YAP1: variants seen among roughly 807,000 people sequenced by gnomAD.
The protein encoded by YAP1 is transcriptional coactivator YAP1.
YAP1 carries 5 observed loss-of-function variants against 56.9 expected under a neutral mutation model. The observed-to-expected ratio is 0.09, with a 90% CI of 0.05 to 0.18. YAP1 has a LOEUF of 0.18. YAP1 is among the 10% of genes least tolerant of loss of function. The probability of loss-of-function intolerance (pLI) is 1.00; values close to 1 mark genes in which losing one functional copy is unlikely to be tolerated. For missense variants in YAP1, 539 were observed against 651.8 expected, an observed-to-expected ratio of 0.83 and a Z score of 1.88; for synonymous variants, 265 against 248.1, an observed-to-expected ratio of 1.07 and a Z score of -0.64.
intron 2 of YAP1, among the ~76,000 whole-genome samples, chr11:102,122,431 A>C (rs1943716178): frequency 6.6e-6 from 1 of 152,120 alleles, no homozygotes; most frequent in African/African-American, 2.4e-5. Flanking sequence ...TCTCAAAAAA[A>C]AAAAAGAAGG....
chr11:102,186,190 T>G lies in YAP1; in HGVS notation c.802+59T>G. The G allele has an allele frequency of 3.9e-6, 6 of 1,556,860 alleles. No homozygotes were observed. In the East Asian group the frequency reaches 1.4e-4, roughly 36 times the overall value. On this transcript the variant is annotated intron_variant, in intron 4 of 8. Coordinates refer to ENST00000282441, the MANE Select transcript of YAP1 (RefSeq NM_001130145.3). Reference sequence around the variant, plus strand: ...TTTGGTTGCTAATTTTTTTTGTAAATATACTTCGGAAAGCACATTTAAATA... The same window carrying G: ...TTTGGTTGCTAATTTTTTTTGTAAAGATACTTCGGAAAGCACATTTAAATA...
chr11:102,126,432 T>A (rs900503419), intron 2 of YAP1, among the ~76,000 whole-genome samples: 1 of 152,166 alleles, frequency 6.6e-6, no homozygotes, highest in Non-Finnish European at 1.5e-5. Flanking sequence ...TCCCGTGCTA[T>A]TCTCGTGATA....
intron 6 of YAP1, among the ~76,000 whole-genome samples, chr11:102,218,992 TAAA>T (rs1949790804): frequency 6.6e-6 from 1 of 152,184 alleles, no homozygotes; most frequent in Non-Finnish European, 1.5e-5. Context: ...AAGGCTAAAA[TAAA>T]AAGTTGTAAA....
intron 2 of YAP1, among the ~76,000 whole-genome samples, chr11:102,121,726 C>T (rs1202792218): frequency 6.6e-6 from 1 of 152,088 alleles, no homozygotes; most frequent in Non-Finnish European, 1.5e-5. Context: ...GATCATTTCC[C>T]CTGAGGATAA....
intron 2 of YAP1, among the ~76,000 whole-genome samples, chr11:102,131,775 A>G (rs1486553282): frequency 1.3e-5 from 2 of 152,206 alleles, no homozygotes; most frequent in South Asian, 2.1e-4. Flanking sequence ...TTTAACAGGA[A>G]CTATTAAAAA....
At chr11:102,157,658 C>T (rs1287921491) in intron 2 of YAP1, among the ~76,000 whole-genome samples, 1 of 152,106 alleles carries the variant, frequency 6.6e-6, no homozygotes, top group Non-Finnish European at 1.5e-5. Flanking sequence ...AGATACTAGG[C>T]TTTGTGAGGT....
At chr11:102,151,108 G>A (rs1373774661) in intron 2 of YAP1, among the ~76,000 whole-genome samples, 6 of 151,996 alleles carry the variant, frequency 3.9e-5, no homozygotes, top group African/African-American at 1.2e-4. Context: ...GATTACAGGC[G>A]TCAGCCACCA....
chr11:102,182,214 C>T (rs1270069474), intron 3 of YAP1, among the ~76,000 whole-genome samples: 1 of 152,206 alleles, frequency 6.6e-6, no homozygotes, highest in African/African-American at 2.4e-5. Context: ...AGGGGTAAGG[C>T]TCAGCAACAT....
chr11:102,162,593 C>G lies in YAP1; in HGVS notation c.688+22C>G, dbSNP rs1946355141. 5 of 1,603,894 alleles carry G rather than the reference C, an allele frequency of 3.1e-6. No homozygotes were observed. In the African/African-American group the frequency reaches 5.3e-5, roughly 17 times the overall value. On this transcript the variant is annotated intron_variant, in intron 3 of 8. Coordinates refer to ENST00000282441, the MANE Select transcript of YAP1 (RefSeq NM_001130145.3). ...TCAGGTGAGTGAGACACTGTAATTA[C>G]AGCACATGGAGTAATGCTTACGCAT...
chr11:102,198,479 G>A (rs970431977), intron 4 of YAP1, among the ~76,000 whole-genome samples: 2 of 152,024 alleles, frequency 1.3e-5, no homozygotes, highest in Admixed American at 6.6e-5. Context: ...AAAATATAAT[G>A]GGGAAAGCTC....
At chr11:102,180,748 CATAGAT>C (rs1947559822) in intron 3 of YAP1, among the ~76,000 whole-genome samples, 1 of 148,146 alleles carries the variant, frequency 6.8e-6, no homozygotes, top group African/African-American at 2.5e-5. Flanking sequence ...AATGCTATGA[CATAGAT>C]ATAAAGAAAT....
intron 4 of YAP1, among the ~76,000 whole-genome samples, chr11:102,189,298 A>G (rs973048581): frequency 6.6e-6 from 1 of 152,148 alleles, no homozygotes; most frequent in African/African-American, 2.4e-5. Context: ...TTTCCAGTAA[A>G]AGGCCTAATG....
Position 102,187,358 on chromosome 11 carries a change from T to G in YAP1, c.802+1227T>G, listed in dbSNP as rs1161993591. ...TACTGTCCTTTTAAGCTTCAAGACC[T>G]GTTTGGGTGTTAAAAAAAGTAATGA... On this transcript the variant is annotated intron_variant, in intron 4 of 8. Transcript: ENST00000282441. Among the ~76,000 whole-genome samples the G allele has an allele frequency of 1.5e-4, 5 of 33,712 alleles. No homozygotes were observed. In the East Asian group the frequency reaches 9.3e-3, roughly 63 times the overall value. 22.1% of individuals were successfully genotyped at this position (33,712 alleles called of 152,430 possible). A position where few individuals can be genotyped will look rare whatever the true frequency, so the allele number is the denominator to read the frequency against.
At chr11:102,186,814 A>ATGTGTGTGTGTGTGCG (rs1947983267) in intron 4 of YAP1, 2 of 138,418 alleles carry the variant, frequency 1.4e-5, no homozygotes, top group African/African-American at 5.3e-5. Context: ...TTTTTAAAAA[A>ATGTGTGTGTGTGTGCG]TGTGTGTGTG....
intron 6 of YAP1, among the ~76,000 whole-genome samples, chr11:102,222,500 G>A (rs1949982107): frequency 6.6e-6 from 1 of 152,158 alleles, no homozygotes; most frequent in Non-Finnish European, 1.5e-5. Flanking sequence ...CTGAAACCTG[G>A]GAGGTTTGGA....
At chr11:102,162,940 G>A (rs1018095689) in intron 3 of YAP1, among the ~76,000 whole-genome samples, 1 of 151,342 alleles carries the variant, frequency 6.6e-6, no homozygotes, top group South Asian at 2.1e-4. Flanking sequence ...TGGATGGAAA[G>A]CCAAGCTATA....
intron 5 of YAP1, among the ~76,000 whole-genome samples, chr11:102,208,141 C>T (rs1459196798): frequency 6.6e-6 from 1 of 152,190 alleles, no homozygotes; most frequent in African/African-American, 2.4e-5. Flanking sequence ...TGTCTGTTCT[C>T]AGATCCCATT....
intron 2 of YAP1, among the ~76,000 whole-genome samples, chr11:102,150,185 T>C (rs1945553412): frequency 1.3e-5 from 2 of 152,016 alleles, no homozygotes; most frequent in African/African-American, 4.8e-5. Flanking sequence ...GGTTTCACCA[T>C]GTTGGCCAGG....
chr11:102,161,255 G>T (rs1306105352), intron 2 of YAP1, among the ~76,000 whole-genome samples: 2 of 150,176 alleles, frequency 1.3e-5, no homozygotes, highest in African/African-American at 4.9e-5. Flanking sequence ...GTAGAGATGG[G>T]GTTTCACCGT....
Sources: allele counts gnomAD v4.1 joint callset (sites outside exome capture counted in the v4.1 genomes callset), GRCh38; gene constraint gnomAD v4.1.1; transcripts MANE v1.5; gene names NCBI Gene and HGNC (gene_info 2026-07-23, HGNC 2026-07-21).